ZNF804B: variants seen among roughly 807,000 people sequenced by gnomAD.
ZNF804B encodes the protein zinc finger protein 804B.
ZNF804B carries 80 observed loss-of-function variants against 101.4 expected under a neutral mutation model. The observed-to-expected ratio is 0.79, with a 90% CI of 0.66 to 0.95. The LOEUF (loss-of-function observed/expected upper bound fraction) is 0.95, where lower values mean the gene tolerates loss of function less well. Among genes scored for constraint, ZNF804B ranks in the 40% least tolerant of loss-of-function variants. The pLI, the probability that ZNF804B is intolerant of heterozygous loss-of-function variation, is 0.00. For synonymous variants in ZNF804B, 622 were observed against 558.8 expected (o/e 1.11, Z -1.59); for missense variants, 1,673 against 1,561.9 (o/e 1.07, Z -1.20).
chr7:89,118,966 G>A (rs574871888), intron 1 of ZNF804B, among the ~76,000 whole-genome samples: 85 of 152,236 alleles, frequency 5.6e-4, no homozygotes, highest in African/African-American at 1.9e-3. Flanking sequence ...ATTCTATTGT[G>A]CATTTCCAGT....
At chr7:88,831,775 G>A (rs1413006567) in intron 1 of ZNF804B, among the ~76,000 whole-genome samples, 1 of 151,706 alleles carries the variant, frequency 6.6e-6, no homozygotes, top group Non-Finnish European at 1.5e-5. Context: ...CTTGCTCTTT[G>A]ACCATTTATA....
intron 1 of ZNF804B, among the ~76,000 whole-genome samples, chr7:88,968,291 C>T (rs1027090306): frequency 7.3e-5 from 11 of 151,484 alleles, no homozygotes; most frequent in African/African-American, 1.7e-4. Context: ...AAGGAGGTTT[C>T]GGATGGGCAG....
At chr7:89,109,225 T>G (rs976923936) in intron 1 of ZNF804B, among the ~76,000 whole-genome samples, 1 of 152,176 alleles carries the variant, frequency 6.6e-6, no homozygotes, top group African/African-American at 2.4e-5. Flanking sequence ...AATGGAAACA[T>G]AATGCTTGCA....
Position 89,114,394 on chromosome 7 carries a change from A to G in ZNF804B, c.109-103761A>G, listed in dbSNP as rs141117158. 3.5e-3 allele frequency among the ~76,000 whole-genome samples: 530 copies of G among 152,344 alleles called. 2 individuals carry two copies. The highest frequency in any genetic ancestry group is 0.012 in the African/African-American group (500 of 41,588). ...AATTGAGCCATGGTTCAATGAAGCA[A>G]TTCACCAGGCTCTTTGTCATTACTG... On this transcript the variant is annotated intron_variant, in intron 1 of 3. Coordinates refer to ENST00000333190, the MANE Select transcript of ZNF804B (RefSeq NM_181646.5).
At chr7:89,161,477 T>C (rs1478980236) in intron 1 of ZNF804B, among the ~76,000 whole-genome samples, 1 of 152,068 alleles carries the variant, frequency 6.6e-6, no homozygotes, top group Non-Finnish European at 1.5e-5. Flanking sequence ...ACTATTTAAC[T>C]TGGAAGTGGT....
intron 1 of ZNF804B, among the ~76,000 whole-genome samples, chr7:89,025,272 T>C (rs577128721): frequency 2.0e-5 from 3 of 152,222 alleles, no homozygotes; most frequent in East Asian, 1.9e-4. Context: ...ACTGTAATTA[T>C]TGAATGACAT....
intron 1 of ZNF804B, among the ~76,000 whole-genome samples, chr7:88,935,085 A>G (rs1488623951): frequency 6.6e-6 from 1 of 151,682 alleles, no homozygotes; most frequent in Non-Finnish European, 1.5e-5. Context: ...ATACCATGGA[A>G]TACTATTCAG....
intron 2 of ZNF804B, among the ~76,000 whole-genome samples, chr7:89,225,102 G>A (rs1266522055): frequency 6.6e-6 from 1 of 151,972 alleles, no homozygotes. Flanking sequence ...CAGCTTAGAT[G>A]TCACCTCTTC....
At chr7:88,762,125 C>T (rs1316924459) in intron 1 of ZNF804B, among the ~76,000 whole-genome samples, 1 of 152,230 alleles carries the variant, frequency 6.6e-6, no homozygotes, top group Non-Finnish European at 1.5e-5. Flanking sequence ...GGAAGGTTCT[C>T]TCCAATATTT....
intron 1 of ZNF804B, among the ~76,000 whole-genome samples, chr7:89,065,086 C>T (rs1647082489): frequency 1.3e-5 from 2 of 152,122 alleles, no homozygotes; most frequent in Non-Finnish European, 2.9e-5. Flanking sequence ...TGCTTGTGGT[C>T]AGAAGAAATA....
At chr7:89,185,224 T>C (rs1170734263) in intron 1 of ZNF804B, among the ~76,000 whole-genome samples, 1 of 152,194 alleles carries the variant, frequency 6.6e-6, no homozygotes, top group Non-Finnish European at 1.5e-5. Flanking sequence ...AAGGAGTCCA[T>C]TAAACACATG....
At chr7:89,169,280 CAG>C (rs1235240894) in intron 1 of ZNF804B, among the ~76,000 whole-genome samples, 2 of 152,160 alleles carry the variant, frequency 1.3e-5, no homozygotes, top group Admixed American at 1.3e-4. Flanking sequence ...AGAGTGAAAA[CAG>C]AGCTCCCATA....
rs566109140 is a variant in ZNF804B, at chr7:89,202,531, A to T, written c.109-15624A>T. Among the ~76,000 whole-genome samples, 3 of 152,286 alleles carry T rather than the reference A, an allele frequency of 2.0e-5. No individual in the cohort carries two copies. In the East Asian group the frequency reaches 5.8e-4, roughly 29 times the overall value. The stretch of plus-strand genomic sequence containing the variant: ...GAATGTTATTTCTAAATATGTTGTT[A>T]AATAGACTTTGATTTTGATTACATG... On this transcript the variant is annotated intron_variant, in intron 1 of 3. Transcript: ENST00000333190.
intron 1 of ZNF804B, among the ~76,000 whole-genome samples, chr7:88,860,840 A>G (rs1165821945): frequency 2.0e-5 from 3 of 152,206 alleles, no homozygotes; most frequent in Non-Finnish European, 4.4e-5. Flanking sequence ...TGTATTTGGC[A>G]TCGTCAAATG....
intron 1 of ZNF804B, among the ~76,000 whole-genome samples, chr7:89,176,708 A>G (rs1791329229): frequency 6.7e-6 from 1 of 149,518 alleles, no homozygotes; most frequent in South Asian, 2.1e-4. Flanking sequence ...TAGTTTGAGT[A>G]GGATTGGTAT....
In ZNF804B at chr7:89,092,581, T is replaced by C. The variant is rs146352651; in HGVS notation, c.109-125574T>C. Among the ~76,000 whole-genome samples the C allele has an allele frequency of 2.2e-4, 34 of 151,942 alleles. No homozygotes were observed. In the East Asian group the frequency reaches 6.4e-3, roughly 29 times the overall value. On this transcript the variant is annotated intron_variant, in intron 1 of 3. Transcript: ENST00000333190. ...GCACGTGCCACCATGCCCAGCTAAT[T>C]TGTGCATTTTTAGCAGAGACAGTGT... is the stretch of plus-strand genomic sequence containing the variant.
At chr7:89,102,004 C>T (rs1219265056) in intron 1 of ZNF804B, among the ~76,000 whole-genome samples, 2 of 151,766 alleles carry the variant, frequency 1.3e-5, no homozygotes, top group African/African-American at 4.8e-5. Context: ...GGATAATGGC[C>T]TCCAGCTCCA....
intron 1 of ZNF804B, among the ~76,000 whole-genome samples, chr7:89,165,797 A>G (rs1467393185): frequency 6.6e-6 from 1 of 152,108 alleles, no homozygotes; most frequent in Non-Finnish European, 1.5e-5. Context: ...AGGAACTAGG[A>G]AGTAAAACAA....
chr7:89,315,455 G>T (rs1307453164), intron 2 of ZNF804B, among the ~76,000 whole-genome samples: 1 of 152,084 alleles, frequency 6.6e-6, no homozygotes, highest in African/African-American at 2.4e-5. Context: ...GATTACAGAT[G>T]CTAAGTAGTT....
Sources: gnomAD v4.1 joint callset for allele counts (sites outside exome capture counted in the v4.1 genomes callset) on GRCh38, gnomAD v4.1.1 for gene constraint, MANE v1.5 for transcripts, NCBI Gene and HGNC (gene_info 2026-07-23, HGNC 2026-07-21) for gene names.